Variants in CLVS1 observed in about 807,000 individuals in gnomAD.
The protein encoded by CLVS1 is clavesin-1.
In CLVS1, 10 loss-of-function variants were observed where a neutral mutation model predicts 33.1. The ratio of observed to expected loss-of-function variants is 0.30; its 90% CI spans 0.19 to 0.51. The LOEUF (loss-of-function observed/expected upper bound fraction) is 0.51, where lower values mean the gene tolerates loss of function less well. Ranked by LOEUF, CLVS1 falls within the 20% of genes least tolerant of loss-of-function variation. The pLI is 0.97. For synonymous variants in CLVS1, 163 were observed against 166.1 expected, an observed-to-expected ratio of 0.98 and a Z score of 0.14; for missense variants, 343 against 433.4, an observed-to-expected ratio of 0.79 and a Z score of 1.85.
At chr8:61,017,843 TG>T in the CLVS1 span, among the ~76,000 whole-genome samples, 1 of 152,254 alleles carries the variant, frequency 6.6e-6, no homozygotes, top group Admixed American at 6.5e-5. Flanking sequence ...ATTGATCACC[TG>T]GTTGAATGCC....
chr8:61,172,175 G>T (rs1018993636), intron 2 of CLVS1, among the ~76,000 whole-genome samples: 1 of 152,086 alleles, frequency 6.6e-6, no homozygotes, highest in African/African-American at 2.4e-5. Flanking sequence ...TGCATCTTTT[G>T]TCTATGTTAC....
intron 2 of CLVS1, among the ~76,000 whole-genome samples, chr8:61,190,127 A>C (rs1807439305): frequency 6.6e-6 from 1 of 152,218 alleles, no homozygotes. Context: ...TTGGAAGTAA[A>C]GCACTCCTCA....
chr8:61,328,812 C>T (rs1811483498), intron 2 of CLVS1, among the ~76,000 whole-genome samples: 1 of 152,160 alleles, frequency 6.6e-6, no homozygotes, highest in East Asian at 1.9e-4. Flanking sequence ...CCCCTCTATC[C>T]TCATCCTGCA....
chr8:61,163,895 A>G (rs111958820), intron 2 of CLVS1, among the ~76,000 whole-genome samples: 5 of 152,132 alleles, frequency 3.3e-5, no homozygotes, highest in African/African-American at 1.2e-4. Flanking sequence ...AGCTGAGCAA[A>G]AGCTCAGCTC....
At chr8:61,236,398 G>C (rs979830063) in intron 2 of CLVS1, among the ~76,000 whole-genome samples, 1 of 152,190 alleles carries the variant, frequency 6.6e-6, no homozygotes, top group Non-Finnish European at 1.5e-5. Flanking sequence ...CCTGCTAGAT[G>C]TTAATTTCCA....
chr8:61,162,219 A>G (rs1806767545), intron 2 of CLVS1, among the ~76,000 whole-genome samples: 1 of 152,238 alleles, frequency 6.6e-6, no homozygotes, highest in Non-Finnish European at 1.5e-5. Context: ...CCTATGAAGA[A>G]GATAGTTTAG....
chr8:61,034,160 G>C, the CLVS1 span, among the ~76,000 whole-genome samples: 1 of 152,138 alleles, frequency 6.6e-6, no homozygotes, highest in African/African-American at 2.4e-5. Flanking sequence ...TGAGAAACTG[G>C]ATGTGACTGT....
intron 1 of CLVS1, among the ~76,000 whole-genome samples, chr8:61,293,921 T>C (rs1810092535): frequency 6.6e-6 from 1 of 152,178 alleles, no homozygotes; most frequent in South Asian, 2.1e-4. Context: ...TATGTGTACT[T>C]AAAAACTGTT....
At chr8:61,039,604 G>A in the CLVS1 span, among the ~76,000 whole-genome samples, 53 of 152,022 alleles carry the variant, frequency 3.5e-4, no homozygotes, top group African/African-American at 9.9e-4. Flanking sequence ...GTGCAGCGGC[G>A]TGATCACAGC....
chr8:61,348,370 T>A (rs565639317), intron 2 of CLVS1, among the ~76,000 whole-genome samples: 3 of 151,308 alleles, frequency 2.0e-5, no homozygotes, highest in Non-Finnish European at 4.4e-5. Flanking sequence ...TTAGGAGATA[T>A]ACCTAATGTA....
chr8:61,363,688 A>G (rs1312330114), intron 2 of CLVS1, among the ~76,000 whole-genome samples: 5 of 152,174 alleles, frequency 3.3e-5, no homozygotes, highest in Non-Finnish European at 5.9e-5. Flanking sequence ...TGTTGACCCC[A>G]TGTTCCTATG....
At chr8:61,346,972 A>T (rs538222377) in intron 2 of CLVS1, among the ~76,000 whole-genome samples, 1 of 152,336 alleles carries the variant, frequency 6.6e-6, no homozygotes, top group East Asian at 1.9e-4. Context: ...GGTAAAAGAC[A>T]TCGCATATTA....
chr8:61,377,538 G>T (rs1813696393), intron 3 of CLVS1: 1 of 152,190 alleles, frequency 6.6e-6, no homozygotes, highest in East Asian at 1.9e-4. Flanking sequence ...TCTATGGAGT[G>T]ACCCTCTCCC....
intron 1 of CLVS1, among the ~76,000 whole-genome samples, chr8:61,294,697 G>A (rs1810127694): frequency 6.6e-6 from 1 of 152,058 alleles, no homozygotes; most frequent in Non-Finnish European, 1.5e-5. Context: ...CATATTTTTA[G>A]ATGAGACATT....
intron 2 of CLVS1, among the ~76,000 whole-genome samples, chr8:61,376,325 G>A (rs1288873458): frequency 6.6e-6 from 1 of 152,236 alleles, no homozygotes; most frequent in Non-Finnish European, 1.5e-5. Context: ...TTGGGGCTGT[G>A]GAGGAAGCAG....
At chr8:60,995,975 A>G in the CLVS1 span, among the ~76,000 whole-genome samples, 1 of 152,168 alleles carries the variant, frequency 6.6e-6, no homozygotes, top group Non-Finnish European at 1.5e-5. Context: ...GATCACATGG[A>G]CACAGGAAGG....
chr8:61,155,338 G>A (rs1175635550), intron 2 of CLVS1, among the ~76,000 whole-genome samples: 2 of 152,082 alleles, frequency 1.3e-5, no homozygotes, highest in African/African-American at 2.4e-5. Flanking sequence ...AAAATGCCCC[G>A]GCTTGCCTGC....
intron 2 of CLVS1, among the ~76,000 whole-genome samples, chr8:61,165,149 A>T (rs1401111840): frequency 2.0e-5 from 3 of 152,246 alleles, no homozygotes; most frequent in Admixed American, 2.0e-4. Flanking sequence ...CTTTAGCCCC[A>T]TCGGGAGTGG....
chr8:61,471,085 ATTACACTGG>A (rs1162449545), intron 5 of CLVS1, among the ~76,000 whole-genome samples: 1 of 152,166 alleles, frequency 6.6e-6, no homozygotes, highest in Non-Finnish European at 1.5e-5. Context: ...TGAGGCCATG[ATTACACTGG>A]TCTTTTCCTT....
Sources: gnomAD v4.1 joint callset for allele counts (sites outside exome capture counted in the v4.1 genomes callset) on GRCh38, gnomAD v4.1.1 for gene constraint, MANE v1.5 for transcripts, NCBI Gene and HGNC (gene_info 2026-07-23, HGNC 2026-07-21) for gene names.